NCKAP5: variants seen among roughly 807,000 people sequenced by gnomAD.
NCKAP5 encodes NCK associated protein 5.
NCKAP5 carries 92 observed loss-of-function variants against 167.0 expected under a neutral mutation model. The observed-to-expected ratio is 0.55, with a 90% CI of 0.47 to 0.66. The LOEUF is 0.66. NCKAP5 is among the 30% of genes least tolerant of loss of function. The pLI, the probability that NCKAP5 is intolerant of heterozygous loss-of-function variation, is 0.00. For synonymous variants in NCKAP5, 891 were observed against 877.4 expected (o/e 1.02, Z -0.27); for missense variants, 2,378 against 2,315.0 (o/e 1.03, Z -0.56).
At chr2:133,229,311 A>G (rs1395421702) in intron 4 of NCKAP5, among the ~76,000 whole-genome samples, 1 of 152,190 alleles carries the variant, frequency 6.6e-6, no homozygotes, top group African/African-American at 2.4e-5. Context: ...AGAGAACAAA[A>G]TAAGAAATGA....
chr2:133,275,098 G>T (rs1393375595), intron 4 of NCKAP5, among the ~76,000 whole-genome samples: 1 of 151,828 alleles, frequency 6.6e-6, no homozygotes, highest in Non-Finnish European at 1.5e-5. Context: ...AAAAAAGTGG[G>T]GGGAAGCATA....
At chr2:133,103,134 A>G (rs1368578224) in intron 6 of NCKAP5, among the ~76,000 whole-genome samples, 1 of 152,118 alleles carries the variant, frequency 6.6e-6, no homozygotes, top group East Asian at 1.9e-4. Flanking sequence ...ATTTTTACAT[A>G]TTTGTTGGTT....
At position 132,731,799 on chromosome 2, in the gene NCKAP5, G is replaced by C. The variant is rs746279503; in HGVS notation, c.5381C>G (p.Pro1794Arg). 1 of 1,613,884 alleles carries C rather than the reference G, an allele frequency of 6.2e-7. No individual in the cohort carries two copies. Among genetic ancestry groups the C allele is most frequent in the Non-Finnish European group, 8.5e-7 (1 of 1,179,830 alleles). ...DSAIVHSTSD[P>R]IMTARGMRPL... ...CCTCATCCCTCTGGCGGTCATGATG[G>C]GGTCGGATGTGGAATGAACAATGGC... Residue 1794 changes from proline to arginine, a missense_variant, in exon 17 of 20, where the codon CCC becomes CGC. Pro to Arg is a moderately radical substitution (Grantham distance 103). This residue lies in a region of NCKAP5 where 1,325 missense variants were observed against 1,274.5 expected (regional missense o/e 1.04). Coordinates refer to ENST00000409261, the MANE Select transcript of NCKAP5 (RefSeq NM_207363.3).
intron 9 of NCKAP5, among the ~76,000 whole-genome samples, chr2:132,877,100 A>C (rs562585110): frequency 6.6e-6 from 1 of 152,256 alleles, no homozygotes; most frequent in African/African-American, 2.4e-5. Flanking sequence ...ATATCCTTGG[A>C]TCTGTTTGGT....
intron 3 of NCKAP5, among the ~76,000 whole-genome samples, chr2:133,418,798 G>C (rs1689285271): frequency 6.6e-6 from 1 of 152,052 alleles, no homozygotes; most frequent in Admixed American, 6.6e-5. Flanking sequence ...GTTTCTAATA[G>C]GTCAGTCTTA....
At chr2:133,433,007 C>T (rs1046460715) in intron 3 of NCKAP5, among the ~76,000 whole-genome samples, 1 of 152,104 alleles carries the variant, frequency 6.6e-6, no homozygotes, top group Non-Finnish European at 1.5e-5. Flanking sequence ...ATTTTTATAG[C>T]TCTTGACATA....
At chr2:132,858,128 G>A (rs1689612572) in intron 11 of NCKAP5, among the ~76,000 whole-genome samples, 1 of 140,054 alleles carries the variant, frequency 7.1e-6, no homozygotes, top group Non-Finnish European at 1.5e-5. Flanking sequence ...TCTAAGAAGT[G>A]CAAAAAAACT....
At chr2:132,685,062 A>C (rs1213459270) in intron 19 of NCKAP5, among the ~76,000 whole-genome samples, 2 of 152,278 alleles carry the variant, frequency 1.3e-5, no homozygotes, top group East Asian at 3.9e-4. Flanking sequence ...TTCATATAAT[A>C]AGTTAAGCCT....
the NCKAP5 span, among the ~76,000 whole-genome samples, chr2:133,637,476 C>CAAAAAAAAAAAAAAAAAAAAAAAAAAAA: frequency 9.5e-5 from 3 of 31,666 alleles, no homozygotes; most frequent in African/African-American, 1.6e-4. Flanking sequence ...TGGTATTTTC[C>CAAAAAAAAAAAAAAAAAAAAAAAAAAAA]AAAAAAAAAA....
intron 4 of NCKAP5, among the ~76,000 whole-genome samples, chr2:133,281,637 A>C (rs887109479): frequency 2.6e-5 from 4 of 152,358 alleles, no homozygotes; most frequent in African/African-American, 9.6e-5. Flanking sequence ...TAAGAACTAT[A>C]TTCTAGGAAC....
chr2:133,377,408 G>A (rs1286142685), intron 3 of NCKAP5, among the ~76,000 whole-genome samples: 1 of 152,156 alleles, frequency 6.6e-6, no homozygotes, highest in African/African-American at 2.4e-5. Context: ...TGAATTCTTG[G>A]TGAATGCTGC....
chr2:133,124,514 C>A (rs142489095), intron 6 of NCKAP5, among the ~76,000 whole-genome samples: 1 of 152,196 alleles, frequency 6.6e-6, no homozygotes, highest in Admixed American at 6.5e-5. Flanking sequence ...TGTCACTATG[C>A]AATCATTAAT....
intron 16 of NCKAP5, among the ~76,000 whole-genome samples, chr2:132,766,152 T>G (rs1410899688): frequency 1.3e-5 from 2 of 151,360 alleles, no homozygotes; most frequent in Non-Finnish European, 2.9e-5. Flanking sequence ...TGGTGGTGCG[T>G]GTCTGCAATC....
At chr2:132,816,513 C>T (rs1397460448) in intron 11 of NCKAP5, among the ~76,000 whole-genome samples, 2 of 152,132 alleles carry the variant, frequency 1.3e-5, no homozygotes, top group Admixed American at 1.3e-4. Context: ...AGGCACTCCT[C>T]CCTTGACAGG....
At chr2:133,320,659 C>T (rs940287626) in intron 3 of NCKAP5, among the ~76,000 whole-genome samples, 14 of 148,796 alleles carry the variant, frequency 9.4e-5, no homozygotes, top group South Asian at 4.3e-4. Flanking sequence ...ACCCGGAAGG[C>T]GGAGCTTGCA....
intron 6 of NCKAP5, among the ~76,000 whole-genome samples, chr2:133,113,483 A>G (rs78787751): frequency 0.058 from 8,765 of 152,292 alleles, 528 homozygotes; most frequent in African/African-American, 0.16. Flanking sequence ...TCTTATACCC[A>G]GGCACAAAAT....
At chr2:133,515,168 T>C (rs956984927) in intron 3 of NCKAP5, among the ~76,000 whole-genome samples, 1 of 152,204 alleles carries the variant, frequency 6.6e-6, no homozygotes, top group African/African-American at 2.4e-5. Context: ...TTCTTTCTGA[T>C]ACTTGGAATT....
chr2:133,066,394 C>T (rs1351240409), intron 6 of NCKAP5, among the ~76,000 whole-genome samples: 1 of 152,144 alleles, frequency 6.6e-6, no homozygotes, highest in African/African-American at 2.4e-5. Context: ...AATTCAAATC[C>T]ATCACAAATT....
At chr2:133,499,619 G>T (rs1454319058) in intron 3 of NCKAP5, among the ~76,000 whole-genome samples, 1 of 152,294 alleles carries the variant, frequency 6.6e-6, no homozygotes, top group East Asian at 1.9e-4. Flanking sequence ...GAGTGCAGCA[G>T]CACAATCTTG....
Sources: gnomAD v4.1 joint callset for allele counts (sites outside exome capture counted in the v4.1 genomes callset) on GRCh38, gnomAD v4.1.1 for gene constraint, gnomAD v4.1.1 regional missense constraint, MANE v1.5 for transcripts, NCBI Gene and HGNC (gene_info 2026-07-23, HGNC 2026-07-21) for gene names.